NUP155: variants seen among roughly 807,000 people sequenced by gnomAD.
NUP155 encodes the protein nuclear pore complex protein Nup155.
In NUP155, 71 loss-of-function variants were observed where a neutral mutation model predicts 180.4. The observed-to-expected ratio is 0.39, with a 90% confidence interval of 0.33 to 0.48. The LOEUF (loss-of-function observed/expected upper bound fraction) is 0.48, where lower values mean the gene tolerates loss of function less well. Ranked by LOEUF, NUP155 falls within the 20% of genes least tolerant of loss-of-function variation. The pLI is 0.91. For missense variants in NUP155, 1,553 were observed against 1,648.9 expected, an observed-to-expected ratio of 0.94 and a Z score of 1.01; for synonymous variants, 582 against 559.5, an observed-to-expected ratio of 1.04 and a Z score of -0.57.
intron 34 of NUP155, among the ~76,000 whole-genome samples, chr5:37,292,416 C>T (rs1049586368): frequency 1.3e-5 from 2 of 152,066 alleles, no homozygotes; most frequent in East Asian, 3.9e-4. Context: ...TGGGGTTTCA[C>T]GTGTTAGCCA....
At chr5:37,351,388 T>G in intron 5 of NUP155, 32 bp from the exon 6 acceptor site, 1 of 1,444,562 alleles carries the variant, frequency 6.9e-7, no homozygotes, top group Non-Finnish European at 9.7e-7. Flanking sequence ...AATCAGTTTA[T>G]TAGCTACTCC....
At chr5:37,342,307 A>G (rs1323765374) in intron 10 of NUP155, 3 of 404,810 alleles carry the variant, frequency 7.4e-6, no homozygotes, top group Non-Finnish European at 1.4e-5. Context: ...TTGATCTCCC[A>G]AAGCGCTAGG....
intron 12 of NUP155, 26 bp from the exon 13 acceptor site, chr5:37,333,659 T>G: frequency 6.3e-7 from 1 of 1,583,180 alleles, no homozygotes; most frequent in Non-Finnish European, 8.6e-7. Context: ...AAATGTTTTA[T>G]ACATCATATT....
rs1436542376 is a variant in NUP155, at chr5:37,294,401, T to C, written c.3858A>G (p.Ile1286Met). The C allele has an allele frequency of 1.2e-6, 2 of 1,610,996 alleles. No individual in the cohort carries two copies. The highest frequency in any genetic ancestry group is 1.7e-6 in the Non-Finnish European group (2 of 1,177,198). Residue 1286 changes from isoleucine to methionine, a missense_variant, in exon 33 of 35, where the codon ATA (isoleucine) becomes ATG (methionine). By Grantham distance (10) the Ile-to-Met change is conservative. Coordinates refer to ENST00000231498, the MANE Select transcript of NUP155 (RefSeq NM_153485.3). ...CTLNWDVGFV[I>M]QTMNEIGVPL... is the part of the protein sequence containing the mutation. Reference sequence around the variant, plus strand: ...GTACTCCAATTTCATTCATTGTCTGTATTACGAAGCCCACATCCCAGTTCA... The same window carrying C: ...GTACTCCAATTTCATTCATTGTCTGCATTACGAAGCCCACATCCCAGTTCA...
At chr5:37,302,022 GA>G (rs1397620356) in intron 29 of NUP155, among the ~76,000 whole-genome samples, 1 of 152,158 alleles carries the variant, frequency 6.6e-6, no homozygotes, top group Non-Finnish European at 1.5e-5. Flanking sequence ...CCACACGGAG[GA>G]AAGCCAGCTG....
At chr5:37,330,232 C>G in intron 14 of NUP155, 100 bp from the exon 15 acceptor site, 1 of 806,344 alleles carries the variant, frequency 1.2e-6, no homozygotes, top group Non-Finnish European at 2.1e-6. Context: ...TAGCACAGAG[C>G]AGGCATTCAA....
At chr5:37,332,948 C>A (rs1745074985) in intron 13 of NUP155, among the ~76,000 whole-genome samples, 1 of 151,732 alleles carries the variant, frequency 6.6e-6, no homozygotes, top group African/African-American at 2.4e-5. Context: ...AGATTAAGAC[C>A]TTGTCTAAAA....
At chr5:37,307,949 A>G (rs1332923162) in intron 24 of NUP155, among the ~76,000 whole-genome samples, 1 of 82,304 alleles carries the variant, frequency 1.2e-5, no homozygotes, top group Non-Finnish European at 3.5e-5. Flanking sequence ...AAGGAAAAAA[A>G]AAAATATATA....
chr5:37,295,813 G>C (rs1242277433), intron 32 of NUP155, among the ~76,000 whole-genome samples: 1 of 150,420 alleles, frequency 6.6e-6, no homozygotes, highest in African/African-American at 2.5e-5. Flanking sequence ...CCGCCCAGCA[G>C]CCGCCCCGTC....
At chr5:37,333,951 G>A (rs942254765) in intron 12 of NUP155, among the ~76,000 whole-genome samples, 2 of 151,588 alleles carry the variant, frequency 1.3e-5, no homozygotes, top group African/African-American at 4.8e-5. Context: ...ACAGCCATAT[G>A]TCACCACGCC....
At chr5:37,370,652 G>A in intron 1 of NUP155, 169 bp downstream of exon 1, 3 of 1,576,258 alleles carry the variant, frequency 1.9e-6, no homozygotes, top group Middle Eastern at 2.3e-4. Flanking sequence ...AAGAAAGTGA[G>A]GAAAGGAAAA....
chr5:37,370,822 T>G lies in NUP155; in HGVS notation c.156A>C (p.Pro52=), dbSNP rs1334018416. Reference sequence around the variant, plus strand: ...GAAAGCAGGGTCACTATCACTCACTTGGGGCAGACACCATAAGCAGCTCGG... The same window carrying G: ...GAAAGCAGGGTCACTATCACTCACTGGGGGCAGACACCATAAGCAGCTCGG... ...DLSELLMVSA[P]NNPTVSGMSD... The change falls in exon 1 of 35, where the codon CCA becomes CCC. Residue 52 remains proline (P), a splice_region_variant and synonymous_variant. Transcript: ENST00000231498. 6.2e-7 allele frequency: 1 copy of G among 1,614,008 alleles called. No individual in the cohort carries two copies. The highest frequency in any genetic ancestry group is 1.3e-5 in the African/African-American group (1 of 74,902).
chr5:37,304,884 C>G (rs1184874198), intron 26 of NUP155, 41 bp from the exon 27 acceptor site: 1 of 1,564,702 alleles, frequency 6.4e-7, no homozygotes, highest in Non-Finnish European at 8.8e-7. Flanking sequence ...GTTAAAGGCT[C>G]TGTTTCTGGG....
intron 20 of NUP155, among the ~76,000 whole-genome samples, chr5:37,319,134 A>G (rs1029507059): frequency 4.6e-5 from 7 of 152,222 alleles, no homozygotes; most frequent in Non-Finnish European, 1.0e-4. Context: ...ATGACATGTC[A>G]AGAATAGGCA....
chr5:37,307,923 C>CA (rs1397316331), intron 24 of NUP155, among the ~76,000 whole-genome samples: 57 of 87,926 alleles, frequency 6.5e-4, no homozygotes, highest in South Asian at 2.1e-3. Flanking sequence ...CTCTGTCTCA[C>CA]AAAAAAAAAA....
chr5:37,363,867 A>C, intron 3 of NUP155, 21 bp downstream of exon 3: 1 of 1,516,066 alleles, frequency 6.6e-7, no homozygotes, highest in South Asian at 1.1e-5. Flanking sequence ...CCCTTAAAGC[A>C]AACCAGCCTT....
chr5:37,350,989 C>T (rs1746422369), intron 6 of NUP155, among the ~76,000 whole-genome samples: 1 of 152,054 alleles, frequency 6.6e-6, no homozygotes, highest in African/African-American at 2.4e-5. Flanking sequence ...CGAGGACATA[C>T]ATAGAATAAT....
intron 3 of NUP155, among the ~76,000 whole-genome samples, chr5:37,361,567 C>T (rs217853): frequency 0.97 from 147,888 of 152,252 alleles, 71,984 homozygotes; most frequent in East Asian, 1. Flanking sequence ...CCTTTGATAA[C>T]TGGCACAGCC....
chr5:37,330,205 GT>G, intron 14 of NUP155, 73 bp from the exon 15 acceptor site: 2 of 1,027,856 alleles, frequency 1.9e-6, no homozygotes, highest in Non-Finnish European at 3.0e-6. Context: ...GCTAGATGCA[GT>G]ATTAAAGTCT....
Sources: gnomAD v4.1 joint callset for allele counts (sites outside exome capture counted in the v4.1 genomes callset) on GRCh38, gnomAD v4.1.1 for gene constraint, MANE v1.5 for transcripts, NCBI Gene and HGNC (gene_info 2026-07-23, HGNC 2026-07-21) for gene names.